The following AKAP19 variants were observed in gnomAD, a reference collection of about 807,000 sequenced individuals.
AKAP19 encodes A-kinase anchoring protein 19, also known as small A-kinase anchoring protein.
chr2:189,973,092 C>T, the AKAP19 span, among the ~76,000 whole-genome samples: 1 of 152,128 alleles, frequency 6.6e-6, no homozygotes, highest in Non-Finnish European at 1.5e-5. Context: ...CAGTTTTTGC[C>T]CATTCAGTAT....
At chr2:190,060,707 G>A in the AKAP19 span, among the ~76,000 whole-genome samples, 3 of 151,980 alleles carry the variant, frequency 2.0e-5, no homozygotes, top group Non-Finnish European at 2.9e-5. Context: ...AAGGTTCTAT[G>A]AAGTAATGAA....
the AKAP19 span, among the ~76,000 whole-genome samples, chr2:190,052,032 T>G: frequency 6.6e-6 from 1 of 151,858 alleles, no homozygotes; most frequent in Admixed American, 6.6e-5. Flanking sequence ...GTAGAGACGG[T>G]GTTTCACTGT....
At chr2:190,191,990 T>G in the AKAP19 span, among the ~76,000 whole-genome samples, 1 of 152,196 alleles carries the variant, frequency 6.6e-6, no homozygotes, top group Admixed American at 6.5e-5. Context: ...ACCAGTTTTT[T>G]TCTTTCATGG....
At chr2:189,955,463 T>G in the AKAP19 span, among the ~76,000 whole-genome samples, 2 of 152,212 alleles carry the variant, frequency 1.3e-5, no homozygotes, top group Non-Finnish European at 2.9e-5. Flanking sequence ...TGATGTCTTT[T>G]TCTTTGGGTA....
chr2:190,021,900 C>G, the AKAP19 span, among the ~76,000 whole-genome samples: 1 of 151,872 alleles, frequency 6.6e-6, no homozygotes, highest in African/African-American at 2.4e-5. Flanking sequence ...TCTTACATTA[C>G]GGAGGCCAAG....
the AKAP19 span, among the ~76,000 whole-genome samples, chr2:190,166,901 GA>G: frequency 6.6e-6 from 1 of 150,974 alleles, no homozygotes; most frequent in East Asian, 1.9e-4. Context: ...AAAAAAGAAA[GA>G]AAAAAGAAAG....
the AKAP19 span, among the ~76,000 whole-genome samples, chr2:190,084,864 G>T: frequency 8.5e-5 from 13 of 152,354 alleles, no homozygotes; most frequent in Admixed American, 7.8e-4. Flanking sequence ...TTTATCTGGG[G>T]ACAGATGGAG....
chr2:190,101,436 C>G, the AKAP19 span, among the ~76,000 whole-genome samples: 1 of 152,168 alleles, frequency 6.6e-6, no homozygotes, highest in Non-Finnish European at 1.5e-5. Flanking sequence ...AGGGCTCTCT[C>G]CACTCCACCG....
At chr2:190,157,076 C>T in the AKAP19 span, among the ~76,000 whole-genome samples, 20 of 152,184 alleles carry the variant, frequency 1.3e-4, no homozygotes, top group African/African-American at 4.6e-4. Flanking sequence ...GAAATCAATT[C>T]GGTTCTTATT....
At chr2:189,939,528 A>G in the AKAP19 span, among the ~76,000 whole-genome samples, 1 of 152,256 alleles carries the variant, frequency 6.6e-6, no homozygotes, top group Non-Finnish European at 1.5e-5. Flanking sequence ...AGACGCAGAC[A>G]TACAGGAAGC....
the AKAP19 span, among the ~76,000 whole-genome samples, chr2:189,996,055 A>G: frequency 6.6e-6 from 1 of 152,138 alleles, no homozygotes; most frequent in South Asian, 2.1e-4. Context: ...ACTTTAGATA[A>G]CCTGATGACT....
the AKAP19 span, among the ~76,000 whole-genome samples, chr2:190,136,060 T>C: frequency 6.6e-6 from 1 of 152,332 alleles, no homozygotes; most frequent in East Asian, 1.9e-4. Context: ...ATGTATTTAT[T>C]TGGTGTCTTC....
chr2:189,899,663 G>A, the AKAP19 span, among the ~76,000 whole-genome samples: 18 of 152,066 alleles, frequency 1.2e-4, no homozygotes, highest in Non-Finnish European at 2.2e-4. Context: ...TCCTTCATTT[G>A]GCTGTTGCCC....
the AKAP19 span, among the ~76,000 whole-genome samples, chr2:189,913,962 A>C: frequency 1.5e-4 from 23 of 152,090 alleles, no homozygotes; most frequent in South Asian, 2.1e-4. Flanking sequence ...ATGCTTTAGA[A>C]TATTCCATAC....
chr2:190,166,149 G>T, the AKAP19 span, among the ~76,000 whole-genome samples: 1 of 151,704 alleles, frequency 6.6e-6, no homozygotes, highest in Admixed American at 6.6e-5. Context: ...AGAGAAATAT[G>T]CAAAGCAGTT....
chr2:190,023,670 A>C, the AKAP19 span, among the ~76,000 whole-genome samples: 7 of 151,656 alleles, frequency 4.6e-5, no homozygotes, highest in East Asian at 1.4e-3. Context: ...TAATCGAATA[A>C]TCTCTTTAGT....
At chr2:189,933,290 G>A in the AKAP19 span, among the ~76,000 whole-genome samples, 1 of 152,064 alleles carries the variant, frequency 6.6e-6, no homozygotes, top group Non-Finnish European at 1.5e-5. Flanking sequence ...TGAGAGTGGG[G>A]GCAGAAACAG....
chr2:190,174,352 C>T, the AKAP19 span, among the ~76,000 whole-genome samples: 1 of 152,350 alleles, frequency 6.6e-6, no homozygotes, highest in African/African-American at 2.4e-5. Context: ...TCTCGTACTG[C>T]CCATCAGAGC....
At chr2:190,032,479 C>T in the AKAP19 span, among the ~76,000 whole-genome samples, 3 of 152,128 alleles carry the variant, frequency 2.0e-5, no homozygotes, top group South Asian at 6.2e-4. Context: ...GTATGCATTA[C>T]TGAAACCACT....
Sources: gnomAD v4.1 joint callset for allele counts (sites outside exome capture counted in the v4.1 genomes callset) on GRCh38, gnomAD v4.1.1 for gene constraint, MANE v1.5 for transcripts, NCBI Gene and HGNC (gene_info 2026-07-23, HGNC 2026-07-21) for gene names.